PER2: variants seen among roughly 807,000 people sequenced by gnomAD.
PER2 encodes the protein period circadian protein homolog 2.
PER2 carries 66 observed loss-of-function variants against 121.0 expected under a neutral mutation model. The observed-to-expected ratio is 0.55, with a 90% CI of 0.45 to 0.67. The LOEUF (loss-of-function observed/expected upper bound fraction) is 0.67, where lower values mean the gene tolerates loss of function less well. Ranked by LOEUF, PER2 falls within the 30% of genes least tolerant of loss-of-function variation. The pLI, the probability that PER2 is intolerant of heterozygous loss-of-function variation, is 0.00. For synonymous variants in PER2, 684 were observed against 659.9 expected (o/e 1.04, Z -0.56); for missense variants, 1,521 against 1,635.0 (o/e 0.93, Z 1.20).
chr2:238,295,232 CTTCT>C, the PER2 span, among the ~76,000 whole-genome samples: 1 of 151,522 alleles, frequency 6.6e-6, no homozygotes, highest in Admixed American at 6.6e-5. Flanking sequence ...TGTTCTTCTT[CTTCT>C]TTCTTGTTCT....
Position 238,253,441 on chromosome 2 carries a change from G to C in PER2, c.2582C>G (p.Ala861Gly). Residue 861 changes from alanine to glycine, a missense_variant, in exon 19 of 23, where the codon GCG becomes GGG. By Grantham distance (60) the Ala-to-Gly change is moderately conservative. Coordinates refer to ENST00000254657, the MANE Select transcript of PER2 (RefSeq NM_022817.3). This position sits in a 1 kb window ranked among gnomAD's most constrained non-coding sequence, Gnocchi z 5.6. ...PAAYSLPVFPAPGTVAAPPAP... is the reference protein window; with the variant it reads ...PAAYSLPVFPGPGTVAAPPAP... ...CGGGGGTGCTGCCACAGTCCCTGGCGCTGGAAACACGGGCAGTGAATAAGC... is the reference window on the plus strand; with the variant it reads ...CGGGGGTGCTGCCACAGTCCCTGGCCCTGGAAACACGGGCAGTGAATAAGC... The C allele has an allele frequency of 6.2e-7, 1 of 1,612,592 alleles. No individual in the cohort carries two copies. The highest frequency in any genetic ancestry group is 8.5e-7 in the Non-Finnish European group (1 of 1,179,160).
At position 238,253,262 on chromosome 2, in the gene PER2, G is replaced by A; in HGVS notation, c.2761C>T (p.Pro921Ser). The change falls in exon 19 of 23, where the codon CCC (proline) becomes TCC (serine). Residue 921 changes from proline (P) to serine (S), a missense_variant. Physicochemically the swap from Pro to Ser is moderately conservative, Grantham distance 74. Transcript: ENST00000254657. The surrounding 1 kb of genome is among the most constrained non-coding windows in gnomAD (Gnocchi z 5.6). ...GGCTGGCTGGGGAAGAAGGCCTGGG[G>A]CAGGTTTGGGGTCCCCGAGGGGAAG... ...YSFPSGTPNL[P>S]QAFFPSQPQF... 3 of 1,609,020 alleles carry A rather than the reference G, an allele frequency of 1.9e-6. No homozygotes were observed. Among genetic ancestry groups the A allele is most frequent in the Non-Finnish European group, 2.5e-6 (3 of 1,176,784 alleles).
intron 1 of PER2, among the ~76,000 whole-genome samples, chr2:238,278,518 C>T (rs1057204294): frequency 6.6e-6 from 1 of 152,206 alleles, no homozygotes; most frequent in African/African-American, 2.4e-5. Context: ...ACGGCCTCAT[C>T]AGAAGGCAGA....
rs2106359027 is a variant in PER2 at position 238,245,164 on chromosome 2, T to C, written c.*1211A>G. On this transcript the variant is annotated 3_prime_UTR_variant, in exon 23 of 23. Transcript: ENST00000254657. ...ACTTTGAATTTCCACCAGGGACCAA[T>C]ATTAAATTTTCTGAACCATCTTTGG... The C allele has an allele frequency of 6.3e-6, 1 of 159,942 alleles. No homozygotes were observed. Among genetic ancestry groups the C allele is most frequent in the African/African-American group, 2.4e-5 (1 of 40,874 alleles). The allele number at this position is 159,942 out of a possible 1,614,324, so 9.9% of individuals were successfully genotyped here. A position where few individuals can be genotyped will look rare whatever the true frequency, so the allele number is the denominator to read the frequency against.
upstream of PER2, chr2:238,288,619 A>AGCGGG (rs1401828281): frequency 6.6e-6 from 1 of 150,596 alleles, no homozygotes; most frequent in African/African-American, 2.4e-5. Flanking sequence ...CGTAAGCCGC[A>AGCGGG]GCGGGGCCGC....
At chr2:238,249,028 G>A in intron 22 of PER2, 34 bp downstream of exon 22, 1 of 1,608,444 alleles carries the variant, frequency 6.2e-7, no homozygotes, top group Non-Finnish European at 8.5e-7. Flanking sequence ...GAGCCTTTTA[G>A]GGCCATATCA....
At position 238,258,368 on chromosome 2, in the gene PER2, A is replaced by G; in HGVS notation, c.1808T>C (p.Leu603Pro). Reference sequence around the variant, plus strand: ...TGCTGGGAACTCGCATTTCCTCTTCAGGGTGGCAGCCTCATTGCAGCTCTC... The same window carrying G: ...TGCTGGGAACTCGCATTTCCTCTTCGGGGTGGCAGCCTCATTGCAGCTCTC... ...YLESCNEAAT[L>P]KRKCEFPANV... is the part of the protein sequence containing the mutation. The change falls in exon 16 of 23, where the codon CTG becomes CCG. Residue 603 changes from leucine to proline, a missense_variant. Physicochemically the swap from Leu to Pro is moderately conservative, Grantham distance 98. Transcript: ENST00000254657. 6.2e-7 allele frequency: 1 copy of G among 1,614,168 alleles called. No individual in the cohort carries two copies. Among genetic ancestry groups the G allele is most frequent in the Non-Finnish European group, 8.5e-7 (1 of 1,180,032 alleles).
chr2:238,248,812 C>T (rs1028065208), intron 22 of PER2, among the ~76,000 whole-genome samples: 11 of 152,148 alleles, frequency 7.2e-5, no homozygotes, highest in Admixed American at 1.3e-4. Flanking sequence ...CCCGCCACCA[C>T]GCCCAGCTAA....
intron 1 of PER2, among the ~76,000 whole-genome samples, chr2:238,278,645 C>T (rs938947597): frequency 1.5e-4 from 23 of 152,026 alleles, no homozygotes; most frequent in African/African-American, 5.3e-4. Flanking sequence ...GTGGGGGAGC[C>T]GGGTTCAGAA....
intron 8 of PER2, among the ~76,000 whole-genome samples, chr2:238,266,247 T>C (rs929382609): frequency 1.3e-5 from 2 of 152,096 alleles, no homozygotes; most frequent in East Asian, 3.9e-4. Flanking sequence ...ATCTGACACA[T>C]TATTTTTAGG....
chr2:238,257,734 A>G (rs1465804652), intron 16 of PER2, among the ~76,000 whole-genome samples: 1 of 152,236 alleles, frequency 6.6e-6, no homozygotes, highest in Non-Finnish European at 1.5e-5. Context: ...TCGGCCTCCC[A>G]AAGTGCTGGG....
chr2:238,263,399 G>A (rs1695996158), intron 9 of PER2, among the ~76,000 whole-genome samples: 1 of 152,192 alleles, frequency 6.6e-6, no homozygotes, highest in South Asian at 2.1e-4. Context: ...TTGGCCACAT[G>A]TGACCTGGCA....
chr2:238,273,294 A>C, intron 4 of PER2, 103 bp from the exon 5 acceptor site: 1 of 1,246,068 alleles, frequency 8.0e-7, no homozygotes, highest in Non-Finnish European at 1.1e-6. Flanking sequence ...TCAAATGAAA[A>C]GGTAGGATAT....
rs780537195 is a variant in PER2 at position 238,270,964 on chromosome 2, G to A, written c.772+348C>T. On this transcript the variant is annotated intron_variant, in intron 6 of 22. Coordinates refer to ENST00000254657, the MANE Select transcript of PER2 (RefSeq NM_022817.3). ...GCTAAGGTGGCAGGGGGACGCCTGC[G>A]TGCAGGGAGCAGGGTGCCTTGCTCA... Among the ~76,000 whole-genome samples, 9 of 152,338 alleles carry A rather than the reference G, an allele frequency of 5.9e-5. No individual in the cohort carries two copies. In the South Asian group the frequency reaches 6.2e-4, roughly 11 times the overall value.
chr2:238,299,179 G>C, the PER2 span: 1 of 152,256 alleles, frequency 6.6e-6, no homozygotes, highest in Non-Finnish European at 1.5e-5. Flanking sequence ...TACTCGGGAG[G>C]CTGAGGCAGG....
chr2:238,250,159 T>C (rs1242129173), intron 21 of PER2, among the ~76,000 whole-genome samples: 3 of 152,200 alleles, frequency 2.0e-5, no homozygotes, highest in Non-Finnish European at 4.4e-5. Context: ...CCTTGACACT[T>C]GGTTCCTTCA....
At chr2:238,273,448 G>A (rs768622547) in intron 4 of PER2, among the ~76,000 whole-genome samples, 1 of 151,662 alleles carries the variant, frequency 6.6e-6, no homozygotes, top group East Asian at 1.9e-4. Flanking sequence ...CATTATTTAA[G>A]GTAATACGGT....
intron 1 of PER2, among the ~76,000 whole-genome samples, chr2:238,281,006 C>CTT (rs200445345): frequency 3.5e-5 from 5 of 143,486 alleles, no homozygotes; most frequent in South Asian, 2.2e-4. Flanking sequence ...AATGTTTACA[C>CTT]TTTTTTTTTT....
the PER2 span, among the ~76,000 whole-genome samples, chr2:238,296,695 T>C: frequency 1 from 128,584 of 128,724 alleles, 64,222 homozygotes; most frequent in Middle Eastern, 1. Flanking sequence ...CAGAGTCAGT[T>C]GTGTGCCCTG....
Sources: gnomAD v4.1 joint callset for allele counts (sites outside exome capture counted in the v4.1 genomes callset) on GRCh38, gnomAD v4.1.1 for gene constraint, Gnocchi (gnomAD v3.1) non-coding constraint, MANE v1.5 for transcripts, NCBI Gene and HGNC (gene_info 2026-07-23, HGNC 2026-07-21) for gene names.